Variants in IGF1R observed in about 807,000 individuals in gnomAD.
IGF1R encodes the protein insulin like growth factor 1 receptor.
Under a neutral mutation model 144.6 loss-of-function variants are expected in IGF1R, and 44 were observed. The observed-to-expected ratio is 0.30, with a 90% CI of 0.24 to 0.39. The LOEUF is 0.39. IGF1R is among the 10% of genes least tolerant of loss of function. The pLI is 1.00. For synonymous variants in IGF1R, 795 were observed against 722.8 expected, an observed-to-expected ratio of 1.10 and a Z score of -1.60; for missense variants, 1,355 against 1,833.7, an observed-to-expected ratio of 0.74 and a Z score of 4.77.
At chr15:98,660,102 A>G (rs2141174986) in intron 1 of IGF1R, 1 of 152,192 alleles carries the variant, frequency 6.6e-6, no homozygotes, top group Non-Finnish European at 1.5e-5. Flanking sequence ...TTTCCCCATG[A>G]TTGCCTTTTA....
intron 5 of IGF1R, among the ~76,000 whole-genome samples, chr15:98,904,829 T>C (rs912517674): frequency 5.9e-5 from 9 of 152,226 alleles, no homozygotes; most frequent in Non-Finnish European, 1.3e-4. Context: ...TTCAGCTCCA[T>C]TTATCAGGGC....
chr15:98,846,874 T>C lies in IGF1R; in HGVS notation c.641-44451T>C, dbSNP rs575066054. 2.0e-5 allele frequency among the ~76,000 whole-genome samples: 3 copies of C among 152,306 alleles called. No homozygotes were observed. The East Asian group carries it at 5.8e-4, about 29-fold the overall frequency. Reference sequence around the variant, plus strand: ...TTTAAATAAATGTGTGAACACCTTGTTTTAGGCTTGCTGAAAATGACCCAG... The same window carrying C: ...TTTAAATAAATGTGTGAACACCTTGCTTTAGGCTTGCTGAAAATGACCCAG... On this transcript the variant is annotated intron_variant, in intron 2 of 20. Coordinates refer to ENST00000650285, the MANE Select transcript of IGF1R (RefSeq NM_000875.5).
At chr15:98,743,482 C>T (rs1056850117) in intron 2 of IGF1R, among the ~76,000 whole-genome samples, 2 of 152,162 alleles carry the variant, frequency 1.3e-5, no homozygotes, top group African/African-American at 4.8e-5. Flanking sequence ...CCCTAATCAC[C>T]CCAGCCACAA....
chr15:98,897,912 T>G (rs914013178), intron 4 of IGF1R, among the ~76,000 whole-genome samples: 3 of 147,624 alleles, frequency 2.0e-5, no homozygotes, highest in Admixed American at 7.0e-5. Flanking sequence ...GGGGGAATCC[T>G]TTTATGAAGA....
At chr15:98,760,121 C>T (rs2141350467) in intron 2 of IGF1R, among the ~76,000 whole-genome samples, 1 of 152,032 alleles carries the variant, frequency 6.6e-6, no homozygotes, top group Admixed American at 6.5e-5. Context: ...GAGTGGATCA[C>T]CTGAGGTCAG....
chr15:98,763,063 A>C lies in IGF1R; in HGVS notation c.640+54956A>C, dbSNP rs1041179290. The stretch of plus-strand genomic sequence containing the variant: ...CCATCTCAAAAAAAAAAAAAAAAAA[A>C]TTCCTCCACAACATATATTCCAATG... On this transcript the variant is annotated intron_variant, in intron 2 of 20. Transcript: ENST00000650285. Among the ~76,000 whole-genome samples, 14 of 140,602 alleles carry C rather than the reference A, an allele frequency of 1.0e-4. 1 individual carries two copies. In the Admixed American group the frequency reaches 1.0e-3, roughly 10 times the overall value. 92.2% of individuals were successfully genotyped at this position (140,602 alleles called of 152,430 possible).
chr15:98,705,042 A>T (rs902298199), intron 1 of IGF1R, among the ~76,000 whole-genome samples: 1 of 32,836 alleles, frequency 3.0e-5, no homozygotes, highest in Non-Finnish European at 9.0e-5. Flanking sequence ...CAATGGATAT[A>T]CTCGGATGTA....
chr15:98,770,891 T>G (rs1372372728), intron 2 of IGF1R, among the ~76,000 whole-genome samples: 1 of 151,978 alleles, frequency 6.6e-6, no homozygotes, highest in Non-Finnish European at 1.5e-5. Flanking sequence ...GGTAGAAGGG[T>G]CCCCAAAAGT....
chr15:98,829,090 C>T (rs1205629927), intron 2 of IGF1R, among the ~76,000 whole-genome samples: 1 of 152,098 alleles, frequency 6.6e-6, no homozygotes, highest in Non-Finnish European at 1.5e-5. Context: ...AATAGAAAAA[C>T]TTTATTAATT....
rs148853986 is a variant in IGF1R, at chr15:98,903,525, T to A, written c.1247+3904T>A. Among the ~76,000 whole-genome samples the A allele has an allele frequency of 1.2e-3, 176 of 152,264 alleles. 3 individuals are homozygous for A. The highest frequency in any genetic ancestry group is 4.1e-3 in the African/African-American group (170 of 41,532). ...TACACCAACCCTGTGACCTAGCAATTCCGGGATCCACCCAAGAGAAATGAA... is the reference window on the plus strand; with the variant it reads ...TACACCAACCCTGTGACCTAGCAATACCGGGATCCACCCAAGAGAAATGAA... On this transcript the variant is annotated intron_variant, in intron 5 of 20. Transcript: ENST00000650285.
intron 2 of IGF1R, among the ~76,000 whole-genome samples, chr15:98,809,613 C>G (rs1305557726): frequency 2.0e-5 from 3 of 152,180 alleles, no homozygotes; most frequent in Non-Finnish European, 4.4e-5. Context: ...TGTAAATAGT[C>G]TTGAAGAGTT....
intron 10 of IGF1R, among the ~76,000 whole-genome samples, chr15:98,917,127 C>G (rs1158907283): frequency 1.3e-5 from 2 of 152,164 alleles, no homozygotes; most frequent in African/African-American, 4.8e-5. Flanking sequence ...CTGTCTCAGC[C>G]ACAACCCCCC....
intron 2 of IGF1R, among the ~76,000 whole-genome samples, chr15:98,752,600 A>G (rs1268576010): frequency 1.3e-5 from 2 of 151,966 alleles, no homozygotes; most frequent in Non-Finnish European, 2.9e-5. Flanking sequence ...GGAGAATGGC[A>G]TGAACCCGGG....
At chr15:98,857,226 A>G (rs756975212) in intron 2 of IGF1R, among the ~76,000 whole-genome samples, 1 of 151,962 alleles carries the variant, frequency 6.6e-6, no homozygotes, top group Non-Finnish European at 1.5e-5. Flanking sequence ...TTATTTATTT[A>G]TTTTTTAATT....
In IGF1R at chr15:98,791,630, T is replaced by C. The variant is rs147070573; in HGVS notation, c.640+83523T>C. Among the ~76,000 whole-genome samples, 538 of 152,350 alleles carry C rather than the reference T, an allele frequency of 3.5e-3. 5 individuals are homozygous for C. The highest frequency in any genetic ancestry group is 0.012 in the African/African-American group (510 of 41,578). On this transcript the variant is annotated intron_variant, in intron 2 of 20. Coordinates refer to ENST00000650285, the MANE Select transcript of IGF1R (RefSeq NM_000875.5). ...CTAAGGAGGCCATTAGGAAAGGCTG[T>C]ATATTTTCTGATTCCGTTTAAAATT...
chr15:98,743,385 A>G (rs1350799850), intron 2 of IGF1R, among the ~76,000 whole-genome samples: 2 of 152,162 alleles, frequency 1.3e-5, no homozygotes, highest in Non-Finnish European at 2.9e-5. Context: ...CATTACGTGA[A>G]TACCTAGTAA....
intron 1 of IGF1R, among the ~76,000 whole-genome samples, chr15:98,697,342 C>T (rs2053617874): frequency 6.6e-6 from 1 of 152,226 alleles, no homozygotes; most frequent in Admixed American, 6.5e-5. Context: ...AGCTCTTGCC[C>T]ACTCAATACA....
intron 5 of IGF1R, among the ~76,000 whole-genome samples, chr15:98,904,912 C>T (rs1308660557): frequency 6.6e-6 from 1 of 152,234 alleles, no homozygotes; most frequent in African/African-American, 2.4e-5. Flanking sequence ...TGTCATCCTG[C>T]ACTTTTGTGG....
At chr15:98,894,146 C>A (rs1050005137) in intron 3 of IGF1R, among the ~76,000 whole-genome samples, 1 of 152,066 alleles carries the variant, frequency 6.6e-6, no homozygotes, top group Non-Finnish European at 1.5e-5. Flanking sequence ...ACAATCATAG[C>A]TCACTGCAGC....
Sources: gnomAD v4.1 joint callset for allele counts (sites outside exome capture counted in the v4.1 genomes callset) on GRCh38, gnomAD v4.1.1 for gene constraint, MANE v1.5 for transcripts, NCBI Gene and HGNC (gene_info 2026-07-23, HGNC 2026-07-21) for gene names.